DLGAP2: variants seen among roughly 807,000 people sequenced by gnomAD.
DLGAP2 encodes the protein DLG associated protein 2, also known as disks large-associated protein 2.
In DLGAP2, 26 loss-of-function variants were observed where a neutral mutation model predicts 100.3. The ratio of observed to expected loss-of-function variants is 0.26; its 90% CI spans 0.19 to 0.36. The LOEUF (loss-of-function observed/expected upper bound fraction) is 0.36, where lower values mean the gene tolerates loss of function less well. DLGAP2 is among the 10% of genes least tolerant of loss of function. The pLI is 1.00. For synonymous variants in DLGAP2, 886 were observed against 630.1 expected (o/e 1.41, Z -6.08); for missense variants, 1,858 against 1,453.2 (o/e 1.28, Z -4.53).
chr8:1,352,937 G>C (rs1801769112), intron 3 of DLGAP2, among the ~76,000 whole-genome samples: 1 of 152,204 alleles, frequency 6.6e-6, no homozygotes, highest in African/African-American at 2.4e-5. Context: ...CCATTGGGGT[G>C]CTCTTTGACT....
At chr8:823,624 C>A (rs966231830) in intron 1 of DLGAP2, among the ~76,000 whole-genome samples, 2 of 152,108 alleles carry the variant, frequency 1.3e-5, no homozygotes, top group African/African-American at 4.8e-5. Context: ...TCCTGGGACA[C>A]GCACCCCAGC....
chr8:921,658 T>C lies in DLGAP2; in HGVS notation c.73+13692T>C, dbSNP rs537200368. On this transcript the variant is annotated intron_variant, in intron 2 of 14. Coordinates refer to ENST00000637795, the MANE Select transcript of DLGAP2 (RefSeq NM_001346810.2). Reference sequence around the variant, plus strand: ...CCGCTGGCAGCGCAGCTGTTACAGATGCTGTTCTGTACCTGTCACGGCTAC... The same window carrying C: ...CCGCTGGCAGCGCAGCTGTTACAGACGCTGTTCTGTACCTGTCACGGCTAC... Among the ~76,000 whole-genome samples the C allele has an allele frequency of 1.4e-3, 211 of 152,342 alleles. 1 individual carries two copies. The highest frequency in any genetic ancestry group is 4.9e-3 in the African/African-American group (204 of 41,574).
chr8:1,148,607 C>T (rs7842718), intron 2 of DLGAP2, among the ~76,000 whole-genome samples: 132,851 of 152,000 alleles, frequency 0.87, 58,171 homozygotes, highest in Non-Finnish European at 0.89. Flanking sequence ...CGAGTATTAA[C>T]ATTTAATAAT....
chr8:1,630,287 G>A lies in DLGAP2; in HGVS notation c.1591-2540G>A, dbSNP rs575393404. ...AATTGATTGTCCAGCCCTAGGCCAC[G>A]AGACCTGACAATTCTGGAAGGAAGG... On this transcript the variant is annotated intron_variant, in intron 7 of 14. Coordinates refer to ENST00000637795, the MANE Select transcript of DLGAP2 (RefSeq NM_001346810.2). Among the ~76,000 whole-genome samples the A allele has an allele frequency of 5.3e-5, 8 of 152,276 alleles. No individual in the cohort carries two copies. The South Asian group carries it at 1.0e-3, about 20-fold the overall frequency.
chr8:1,634,511 C>T (rs1797723796), intron 8 of DLGAP2, among the ~76,000 whole-genome samples: 1 of 152,208 alleles, frequency 6.6e-6, no homozygotes, highest in African/African-American at 2.4e-5. Context: ...CGGTTCTGCT[C>T]ACTCCTGCCC....
Position 1,176,575 on chromosome 8 carries a change from C to G in DLGAP2, c.74-82276C>G, listed in dbSNP as rs944978376. Among the ~76,000 whole-genome samples the G allele has an allele frequency of 4.5e-5, 6 of 134,324 alleles. No individual in the cohort carries two copies. In the Admixed American group the frequency reaches 4.8e-4, roughly 11 times the overall value. The allele number at this position is 134,324 out of a possible 152,430, so 88.1% of individuals were successfully genotyped here. ...TTATTGACGTTGTTCATGCTCAGGT[C>G]CCACCCATCTCAATCCAGTGCACGA... On this transcript the variant is annotated intron_variant, in intron 2 of 14. Transcript: ENST00000637795.
intron 3 of DLGAP2, among the ~76,000 whole-genome samples, chr8:1,491,077 C>CAAAAAAAAAAAAAAAAAAAAAAAACA (rs386411871): frequency 1.6e-5 from 1 of 64,514 alleles, no homozygotes. Context: ...AACTGGAAAC[C>CAAAAAAAAAAAAAAAAAAAAAAAACA]AAAAAAAAAA....
chr8:1,415,456 G>GT (rs1796856289), intron 3 of DLGAP2, among the ~76,000 whole-genome samples: 1 of 131,956 alleles, frequency 7.6e-6, no homozygotes, highest in Admixed American at 8.6e-5. Context: ...TTCTTCCCCA[G>GT]CCCCTTTTTC....
chr8:1,119,862 T>C (rs2129047335), intron 2 of DLGAP2, among the ~76,000 whole-genome samples: 1 of 152,266 alleles, frequency 6.6e-6, no homozygotes, highest in South Asian at 2.1e-4. Flanking sequence ...ATACAGTGAA[T>C]GGGGTCCAGC....
intron 1 of DLGAP2, among the ~76,000 whole-genome samples, chr8:757,914 C>G (rs1246129981): frequency 2.6e-5 from 4 of 152,186 alleles, no homozygotes; most frequent in African/African-American, 7.2e-5. Context: ...TTTCCCACCT[C>G]TGCGCTCATT....
intron 3 of DLGAP2, among the ~76,000 whole-genome samples, chr8:1,308,520 CTTTT>C (rs1186348088): frequency 6.6e-6 from 1 of 152,206 alleles, no homozygotes; most frequent in Admixed American, 6.5e-5. Context: ...CAAAAGAAAT[CTTTT>C]TTTGTTTTGT....
At chr8:1,028,569 C>G (rs1423812075) in intron 2 of DLGAP2, among the ~76,000 whole-genome samples, 2 of 152,214 alleles carry the variant, frequency 1.3e-5, no homozygotes, top group Non-Finnish European at 2.9e-5. Context: ...CCGTGATGCT[C>G]CAGATGTGCC....
chr8:1,125,518 T>C (rs962904134), intron 2 of DLGAP2, among the ~76,000 whole-genome samples: 2 of 152,236 alleles, frequency 1.3e-5, no homozygotes, highest in Non-Finnish European at 2.9e-5. Context: ...TTTTGAATTA[T>C]ATCATGCAGA....
intron 2 of DLGAP2, among the ~76,000 whole-genome samples, chr8:1,066,093 G>A (rs1030933260): frequency 6.6e-6 from 1 of 152,166 alleles, no homozygotes; most frequent in Non-Finnish European, 1.5e-5. Flanking sequence ...CAACGGTCAG[G>A]TCTGAGTGAG....
intron 1 of DLGAP2, among the ~76,000 whole-genome samples, chr8:849,025 A>C (rs1171044744): frequency 6.7e-6 from 1 of 149,402 alleles, no homozygotes; most frequent in African/African-American, 2.5e-5. Context: ...CCAGTATAGG[A>C]ATGTGCGGTG....
chr8:1,163,716 G>A (rs1458775144), intron 2 of DLGAP2, among the ~76,000 whole-genome samples: 1 of 152,210 alleles, frequency 6.6e-6, no homozygotes, highest in African/African-American at 2.4e-5. Flanking sequence ...CACATTCGGT[G>A]GTAATTGGTG....
chr8:1,461,185 CAGGACTGGGTGCAGTCGCTGATTCG>C (rs1798461542), intron 3 of DLGAP2, among the ~76,000 whole-genome samples: 2 of 135,848 alleles, frequency 1.5e-5, no homozygotes, highest in East Asian at 2.1e-4. Context: ...GCTGCTGTCA[CAGGACTGGGTGCAGTCGCTGATTCG>C]GTGGCCAGGA....
chr8:1,228,501 A>T (rs1015672189), intron 2 of DLGAP2, among the ~76,000 whole-genome samples: 5 of 152,228 alleles, frequency 3.3e-5, no homozygotes, highest in Non-Finnish European at 5.9e-5. Context: ...CAATGACATC[A>T]TAAGAAACTA....
intron 3 of DLGAP2, among the ~76,000 whole-genome samples, chr8:1,322,924 G>A (rs571534807): frequency 1.3e-5 from 2 of 152,118 alleles, no homozygotes; most frequent in African/African-American, 4.8e-5. Flanking sequence ...GCCTCACTTT[G>A]TAGATTATTA....
Sources: allele counts gnomAD v4.1 joint callset (sites outside exome capture counted in the v4.1 genomes callset), GRCh38; gene constraint gnomAD v4.1.1; transcripts MANE v1.5; gene names NCBI Gene and HGNC (gene_info 2026-07-23, HGNC 2026-07-21).